The following ATP8A2 variants were observed in gnomAD, a reference collection of about 807,000 sequenced individuals.
The protein encoded by ATP8A2 is phospholipid-transporting ATPase IB.
In ATP8A2, 100 loss-of-function variants were observed where a neutral mutation model predicts 165.6. That is an observed-to-expected ratio of 0.60 (90% CI 0.51 to 0.71). The LOEUF (loss-of-function observed/expected upper bound fraction) is 0.71. ATP8A2 is among the 30% of genes least tolerant of loss of function. The pLI, the probability that ATP8A2 is intolerant of heterozygous loss-of-function variation, is 0.00. For missense variants in ATP8A2, 1,227 were observed against 1,479.5 expected (o/e 0.83, Z 2.80); for synonymous variants, 543 against 548.8 (o/e 0.99, Z 0.15).
chr13:25,905,133 A>G (rs963805978), intron 33 of ATP8A2, among the ~76,000 whole-genome samples: 2 of 151,478 alleles, frequency 1.3e-5, no homozygotes, highest in Admixed American at 6.6e-5. Flanking sequence ...GTGACATTGT[A>G]TCTTCTCTCT....
intron 24 of ATP8A2, among the ~76,000 whole-genome samples, chr13:25,623,871 C>T (rs892410267): frequency 1.3e-5 from 2 of 151,740 alleles, no homozygotes; most frequent in Admixed American, 1.3e-4. Flanking sequence ...TAGATATATG[C>T]ATATACCTAT....
At chr13:25,542,981 G>T (rs1432353384) in intron 9 of ATP8A2, among the ~76,000 whole-genome samples, 1 of 151,940 alleles carries the variant, frequency 6.6e-6, no homozygotes, top group Non-Finnish European at 1.5e-5. Context: ...GTAAGCTTTG[G>T]TTGTTATTTT....
intron 1 of ATP8A2, among the ~76,000 whole-genome samples, chr13:25,457,061 T>C (rs1294375374): frequency 3.3e-5 from 5 of 152,208 alleles, no homozygotes; most frequent in Admixed American, 3.3e-4. Flanking sequence ...AAAGCCGTTC[T>C]GGGCTACATG....
chr13:25,713,397 T>G (rs2043192546), intron 25 of ATP8A2, among the ~76,000 whole-genome samples: 1 of 152,202 alleles, frequency 6.6e-6, no homozygotes. Context: ...GAAAGGATAT[T>G]GATTTAGAAC....
intron 33 of ATP8A2, among the ~76,000 whole-genome samples, chr13:25,943,315 C>T (rs1015790179): frequency 6.6e-6 from 1 of 152,206 alleles, no homozygotes; most frequent in Non-Finnish European, 1.5e-5. Context: ...TGATTCTAGT[C>T]ATGCACGATG....
At chr13:25,531,385 G>T (rs1398221993) in intron 4 of ATP8A2, among the ~76,000 whole-genome samples, 20 of 71,898 alleles carry the variant, frequency 2.8e-4, no homozygotes, top group African/African-American at 1.0e-3. Flanking sequence ...TTATATATAT[G>T]ATATATATAT....
chr13:25,739,414 A>T (rs907279720), intron 25 of ATP8A2, among the ~76,000 whole-genome samples: 2 of 152,260 alleles, frequency 1.3e-5, no homozygotes, highest in Admixed American at 1.3e-4. Flanking sequence ...TTAAAGAAGG[A>T]AACCTATGGA....
intron 33 of ATP8A2, among the ~76,000 whole-genome samples, chr13:25,913,353 GA>G (rs1483945438): frequency 1.3e-5 from 2 of 152,072 alleles, no homozygotes; most frequent in African/African-American, 2.4e-5. Context: ...GAGCAAGTGA[GA>G]AAAAAATATA....
chr13:25,403,650 G>T (rs2033709263), intron 1 of ATP8A2, among the ~76,000 whole-genome samples: 1 of 152,132 alleles, frequency 6.6e-6, no homozygotes. Flanking sequence ...CTCTATCTGT[G>T]TGGCAGCCAT....
intron 1 of ATP8A2, among the ~76,000 whole-genome samples, chr13:25,447,345 A>C (rs2035097251): frequency 6.6e-6 from 1 of 152,202 alleles, no homozygotes; most frequent in African/African-American, 2.4e-5. Context: ...GTAATGAACA[A>C]ATCAGGGTAA....
At chr13:25,605,302 C>CACTTGATTAAT (rs1413314030) in intron 24 of ATP8A2, among the ~76,000 whole-genome samples, 2 of 152,038 alleles carry the variant, frequency 1.3e-5, no homozygotes, top group Admixed American at 1.3e-4. Context: ...TGATGTAGTT[C>CACTTGATTAAT]ACTTGATTAA....
intron 30 of ATP8A2, among the ~76,000 whole-genome samples, chr13:25,856,771 C>T (rs1458459809): frequency 6.6e-6 from 1 of 152,146 alleles, no homozygotes; most frequent in Non-Finnish European, 1.5e-5. Flanking sequence ...TCCCCAGCCC[C>T]AGGTAGGAAT....
chr13:25,811,443 G>A (rs1031078495), intron 27 of ATP8A2, among the ~76,000 whole-genome samples: 10 of 152,092 alleles, frequency 6.6e-5, no homozygotes, highest in African/African-American at 2.2e-4. Flanking sequence ...ATACGTGTGT[G>A]TTATGTGTAT....
chr13:26,012,423 C>T (rs1956867976), intron 35 of ATP8A2, 108 bp from the exon 36 acceptor site: 1 of 851,636 alleles, frequency 1.2e-6, no homozygotes, highest in Non-Finnish European at 1.8e-6. Context: ...ACGCCTTACC[C>T]GACGTGGGGA....
chr13:25,560,922 T>C (rs1459496951), intron 15 of ATP8A2, among the ~76,000 whole-genome samples: 2 of 151,382 alleles, frequency 1.3e-5, no homozygotes, highest in South Asian at 2.1e-4. Flanking sequence ...AGTCTCGCTC[T>C]GTTGCCCAGG....
At chr13:25,698,857 T>C (rs934232405) in intron 24 of ATP8A2, among the ~76,000 whole-genome samples, 2 of 152,210 alleles carry the variant, frequency 1.3e-5, no homozygotes, top group Non-Finnish European at 2.9e-5. Flanking sequence ...AATAATGCTA[T>C]CTTTCCCCAA....
At chr13:25,560,538 A>G (rs1008428971) in intron 15 of ATP8A2, among the ~76,000 whole-genome samples, 1 of 151,540 alleles carries the variant, frequency 6.6e-6, no homozygotes, top group Non-Finnish European at 1.5e-5. Flanking sequence ...TGTCTCTACT[A>G]AAAATACAAA....
chr13:25,823,297 G>C (rs895568788), intron 27 of ATP8A2, among the ~76,000 whole-genome samples: 2 of 150,792 alleles, frequency 1.3e-5, no homozygotes, highest in Non-Finnish European at 3.0e-5. Context: ...TTGTATGTTG[G>C]GCTTTGTAAA....
chr13:25,800,436 C>T (rs1235291982), intron 27 of ATP8A2, among the ~76,000 whole-genome samples: 2 of 152,134 alleles, frequency 1.3e-5, no homozygotes, highest in Non-Finnish European at 2.9e-5. Flanking sequence ...GACATTATTG[C>T]ACAGTATCTT....
Sources: gnomAD v4.1 joint callset for allele counts (sites outside exome capture counted in the v4.1 genomes callset) on GRCh38, gnomAD v4.1.1 for gene constraint, MANE v1.5 for transcripts, NCBI Gene and HGNC (gene_info 2026-07-23, HGNC 2026-07-21) for gene names.